DPP10: variants seen among roughly 807,000 people sequenced by gnomAD.
DPP10 encodes inactive dipeptidyl peptidase 10.
In DPP10, 33 loss-of-function variants were observed where a neutral mutation model predicts 120.9. The observed-to-expected ratio is 0.27, with a 90% CI of 0.21 to 0.37. DPP10 has a LOEUF of 0.37. Ranked by LOEUF, DPP10 falls within the 10% of genes least tolerant of loss-of-function variation. DPP10 has a pLI of 1.00. For missense variants in DPP10, 816 were observed against 942.8 expected (o/e 0.87, Z 1.76); for synonymous variants, 337 against 326.1 (o/e 1.03, Z -0.36).
chr2:115,779,497 A>T (rs1682500144), intron 15 of DPP10, among the ~76,000 whole-genome samples: 1 of 152,046 alleles, frequency 6.6e-6, no homozygotes, highest in Non-Finnish European at 1.5e-5. Flanking sequence ...CTTTGTCTCA[A>T]AATTTGTGTC....
At chr2:115,516,480 AG>A (rs2077508898) in intron 4 of DPP10, among the ~76,000 whole-genome samples, 1 of 152,000 alleles carries the variant, frequency 6.6e-6, no homozygotes, top group Non-Finnish European at 1.5e-5. Flanking sequence ...ATCTATTATT[AG>A]GAGTCCCGAA....
At position 115,485,316 on chromosome 2, in the gene DPP10, A is replaced by G. The variant is rs2075707627; in HGVS notation, c.272-14194A>G. On this transcript the variant is annotated intron_variant, in intron 3 of 25. Transcript: ENST00000410059. ...AAGTTATTTTATCCAAAGAAAAACG[A>G]CAACCTATTGCCCAAAGTTATTGCC... is the stretch of plus-strand genomic sequence containing the variant. 2.1e-5 allele frequency among the ~76,000 whole-genome samples: 3 copies of G among 145,150 alleles called. No homozygotes were observed. In the South Asian group the frequency reaches 6.3e-4, roughly 31 times the overall value.
At chr2:115,521,957 AC>A (rs1236740480) in intron 4 of DPP10, among the ~76,000 whole-genome samples, 1 of 152,178 alleles carries the variant, frequency 6.6e-6, no homozygotes, top group African/African-American at 2.4e-5. Flanking sequence ...TTTTTAAGCT[AC>A]TTGTGCATTT....
In DPP10 at chr2:115,130,501, T is replaced by TCTATCCATCC. The variant is rs2050293271; in HGVS notation, c.61-178738_61-178737insCTATCCATCC. ...CCATCCATGCATCCATCCATCCATC[T>TCTATCCATCC]ATCCATCCATCCATCCATCCATCCA... On this transcript the variant is annotated intron_variant, in intron 1 of 25. Transcript: ENST00000410059. Among the ~76,000 whole-genome samples, 44 of 144,978 alleles carry TCTATCCATCC rather than the reference T, an allele frequency of 3.0e-4. 2 individuals are homozygous for TCTATCCATCC. Among genetic ancestry groups the TCTATCCATCC allele is most frequent in the African/African-American group, 1.1e-3 (42 of 38,550 alleles).
chr2:115,639,027 T>G (rs2086573232), intron 5 of DPP10, among the ~76,000 whole-genome samples: 1 of 152,112 alleles, frequency 6.6e-6, no homozygotes, highest in African/African-American at 2.4e-5. Flanking sequence ...ATGTTGTCTT[T>G]GGTGGCCACT....
chr2:115,212,419 T>C (rs1364707008), intron 1 of DPP10, among the ~76,000 whole-genome samples: 1 of 152,194 alleles, frequency 6.6e-6, no homozygotes, highest in Non-Finnish European at 1.5e-5. Flanking sequence ...TAAGTTACTA[T>C]AGTCAAAATA....
chr2:115,155,102 T>A (rs1232876359), intron 1 of DPP10, among the ~76,000 whole-genome samples: 1 of 151,094 alleles, frequency 6.6e-6, no homozygotes, highest in African/African-American at 2.4e-5. Flanking sequence ...GGAGACGGGG[T>A]TTCGCCATTT....
intron 3 of DPP10, among the ~76,000 whole-genome samples, chr2:115,445,569 T>G (rs1047865917): frequency 6.6e-6 from 1 of 152,112 alleles, no homozygotes; most frequent in Non-Finnish European, 1.5e-5. Flanking sequence ...AAGATACTGG[T>G]GGAGTTTTGT....
At chr2:114,979,467 A>T (rs1699953752) in intron 1 of DPP10, among the ~76,000 whole-genome samples, 1 of 151,946 alleles carries the variant, frequency 6.6e-6, no homozygotes, top group South Asian at 2.1e-4. Context: ...GGCTTTCTCT[A>T]TTCTTGCTAT....
intron 1 of DPP10, among the ~76,000 whole-genome samples, chr2:115,187,093 A>G (rs904457832): frequency 2.4e-5 from 3 of 125,568 alleles, no homozygotes; most frequent in African/African-American, 5.9e-5. Flanking sequence ...GCGGACTGCA[A>G]TGGCGCAATC....
intron 3 of DPP10, among the ~76,000 whole-genome samples, chr2:115,424,607 T>G (rs1244368263): frequency 6.6e-6 from 1 of 152,066 alleles, no homozygotes; most frequent in Non-Finnish European, 1.5e-5. Flanking sequence ...GCCTCAGTTT[T>G]ATATTTCTTT....
At chr2:115,813,972 T>C (rs1686949242) in intron 19 of DPP10, among the ~76,000 whole-genome samples, 1 of 152,210 alleles carries the variant, frequency 6.6e-6, no homozygotes, top group South Asian at 2.1e-4. Flanking sequence ...TATATCTAGG[T>C]ATGGACCTAG....
At chr2:114,941,849 A>G (rs2104570986) in intron 1 of DPP10, among the ~76,000 whole-genome samples, 1 of 152,298 alleles carries the variant, frequency 6.6e-6, no homozygotes, top group South Asian at 2.1e-4. Context: ...GTGCTGAGAA[A>G]CATGAGGACG....
chr2:115,814,443 T>C (rs1033618133), intron 19 of DPP10, among the ~76,000 whole-genome samples: 3 of 152,292 alleles, frequency 2.0e-5, no homozygotes, highest in Non-Finnish European at 2.9e-5. Context: ...CCAGTAAAGA[T>C]AGACTTGTCT....
intron 1 of DPP10, among the ~76,000 whole-genome samples, chr2:114,809,877 G>T (rs915960939): frequency 6.6e-6 from 1 of 152,128 alleles, no homozygotes; most frequent in Non-Finnish European, 1.5e-5. Context: ...GCTATAAGAC[G>T]AGCTGTTCTT....
chr2:114,867,229 C>T (rs563381069), intron 1 of DPP10, among the ~76,000 whole-genome samples: 23 of 152,290 alleles, frequency 1.5e-4, no homozygotes, highest in African/African-American at 5.3e-4. Context: ...TTTTAGCTCA[C>T]TCCTGCCTCT....
intron 5 of DPP10, among the ~76,000 whole-genome samples, chr2:115,550,085 C>T (rs998016216): frequency 1.3e-5 from 2 of 152,084 alleles, no homozygotes; most frequent in Non-Finnish European, 1.5e-5. Context: ...GGGGGAGAGA[C>T]AGCTTCCTAA....
At chr2:115,528,216 G>A (rs142161076) in intron 5 of DPP10, among the ~76,000 whole-genome samples, 35 of 151,920 alleles carry the variant, frequency 2.3e-4, no homozygotes, top group African/African-American at 7.7e-4. Context: ...GTTGTGGGGT[G>A]GGGGAGTGGG....
chr2:115,382,914 C>T (rs2066526156), intron 3 of DPP10, among the ~76,000 whole-genome samples: 1 of 152,138 alleles, frequency 6.6e-6, no homozygotes, highest in Non-Finnish European at 1.5e-5. Flanking sequence ...TCAGAGAACG[C>T]TGGGGTCTGT....
Sources: gnomAD v4.1 joint callset for allele counts (sites outside exome capture counted in the v4.1 genomes callset) on GRCh38, gnomAD v4.1.1 for gene constraint, MANE v1.5 for transcripts, NCBI Gene and HGNC (gene_info 2026-07-23, HGNC 2026-07-21) for gene names.